The following TOP2B variants were observed in gnomAD, a reference collection of about 807,000 sequenced individuals.
The protein encoded by TOP2B is DNA topoisomerase II beta, also known as DNA topoisomerase 2-beta.
In TOP2B, 51 loss-of-function variants were observed where a neutral mutation model predicts 193.5. That is an observed-to-expected ratio of 0.26 (90% CI 0.21 to 0.33). The LOEUF (loss-of-function observed/expected upper bound fraction) is 0.33. Ranked by LOEUF, TOP2B falls within the 10% of genes least tolerant of loss-of-function variation. The pLI, the probability that TOP2B is intolerant of heterozygous loss-of-function variation, is 1.00. For missense variants in TOP2B, 1,378 were observed against 1,909.3 expected (o/e 0.72, Z 5.19); for synonymous variants, 634 against 635.7 (o/e 1.00, Z 0.04).
At position 25,632,473 on chromosome 3, in the gene TOP2B, G is replaced by A; in HGVS notation, c.1239C>T (p.Cys413=). ...CTTTAAAAAATTTTTCTGACAGCTG[G>A]CATTTAGACCCAAAACTTTTGGGCT... ...TLQPKSFGSK[C]QLSEKFFKAA... The change falls in exon 10 of 36, where the codon TGC becomes TGT. Residue 413 remains cysteine (C), a synonymous_variant. Transcript: ENST00000264331. The A allele has an allele frequency of 6.3e-7, 1 of 1,575,228 alleles. No individual in the cohort carries two copies. The highest frequency in any genetic ancestry group is 1.2e-5 in the South Asian group (1 of 85,194).
intron 4 of TOP2B, 34 bp downstream of exon 4, chr3:25,642,288 T>A: frequency 7.5e-7 from 1 of 1,340,946 alleles, no homozygotes; most frequent in Non-Finnish European, 1.0e-6. Flanking sequence ...TGAATAAAAC[T>A]TAGCATAAAA....
intron 1 of TOP2B, among the ~76,000 whole-genome samples, chr3:25,658,712 A>T (rs1172666038): frequency 6.6e-6 from 1 of 152,116 alleles, no homozygotes; most frequent in African/African-American, 2.4e-5. Context: ...AATGCCTAAT[A>T]AAAAAACAGA....
intron 1 of TOP2B, among the ~76,000 whole-genome samples, chr3:25,647,100 G>T (rs1384301000): frequency 1.3e-5 from 2 of 152,252 alleles, no homozygotes; most frequent in South Asian, 2.1e-4. Context: ...GCAAAAGTTA[G>T]ACGATGAACT....
intron 5 of TOP2B, among the ~76,000 whole-genome samples, chr3:25,637,864 G>A (rs1320127974): frequency 1.3e-5 from 2 of 151,874 alleles, no homozygotes; most frequent in Non-Finnish European, 2.9e-5. Flanking sequence ...AAGACACAGT[G>A]CTATGTAATA....
intron 6 of TOP2B, among the ~76,000 whole-genome samples, chr3:25,636,586 C>T (rs1352661578): frequency 6.6e-6 from 1 of 151,994 alleles, no homozygotes; most frequent in Admixed American, 6.6e-5. Context: ...AGAACCAATC[C>T]TCCTGAGGCA....
intron 27 of TOP2B, among the ~76,000 whole-genome samples, chr3:25,613,408 G>A (rs1702428847): frequency 6.6e-6 from 1 of 152,068 alleles, no homozygotes; most frequent in South Asian, 2.1e-4. Context: ...GATTTCAACT[G>A]CACTTCCACT....
At chr3:25,623,775 A>C (rs1162153421) in intron 20 of TOP2B, 29 bp from the exon 21 acceptor site, 13 of 1,462,864 alleles carry the variant, frequency 8.9e-6, no homozygotes, top group African/African-American at 1.4e-5. Flanking sequence ...AGCAAATGAA[A>C]AAATGTCATG....
In TOP2B at chr3:25,615,490, A is replaced by G; in HGVS notation, c.3448T>C (p.Ser1150Pro). The change falls in exon 26 of 36, where the codon TCT (serine) becomes CCT (proline). Residue 1150 changes from serine (S) to proline (P), a missense_variant. Physicochemically the swap from Ser to Pro is moderately conservative, Grantham distance 74 (BLOSUM62 -1). Transcript: ENST00000264331. ...GPDFNYILNM[S>P]LWSLTKEKVE... ...TTTTCTTTAGTAAGAGACCACAGAGACATATTTAAAATATAATTAAAATCT... is the reference window on the plus strand; with the variant it reads ...TTTTCTTTAGTAAGAGACCACAGAGGCATATTTAAAATATAATTAAAATCT... 4 of 1,577,972 alleles carry G rather than the reference A, an allele frequency of 2.5e-6. No homozygotes were observed. The highest frequency in any genetic ancestry group is 3.4e-6 in the Non-Finnish European group (4 of 1,161,670).
At chr3:25,610,256 G>A (rs1662952795) in intron 28 of TOP2B, among the ~76,000 whole-genome samples, 1 of 151,858 alleles carries the variant, frequency 6.6e-6, no homozygotes, top group South Asian at 2.1e-4. Context: ...GGCACTGTAA[G>A]GTAGACCCCA....
chr3:25,653,860 T>C (rs1166054650), intron 1 of TOP2B, among the ~76,000 whole-genome samples: 1 of 152,166 alleles, frequency 6.6e-6, no homozygotes, highest in Non-Finnish European at 1.5e-5. Context: ...AAAAAACACA[T>C]TATCATCTCA....
At chr3:25,635,875 ACCC>A in intron 7 of TOP2B, 58 bp downstream of exon 7, 1 of 1,412,650 alleles carries the variant, frequency 7.1e-7, no homozygotes, top group East Asian at 2.3e-5. Context: ...AAAAAGGAAG[ACCC>A]AACAATATTC....
chr3:25,652,415 CAT>C (rs937858481), intron 1 of TOP2B, among the ~76,000 whole-genome samples: 2 of 152,176 alleles, frequency 1.3e-5, no homozygotes, highest in African/African-American at 2.4e-5. Context: ...ACAAAGACCA[CAT>C]GTTACGTGAC....
intron 13 of TOP2B, 49 bp from the exon 14 acceptor site, chr3:25,629,194 T>G: frequency 7.6e-7 from 1 of 1,310,556 alleles, no homozygotes. Context: ...TTTTATAAAA[T>G]GATTACTTAT....
chr3:25,619,388 C>A (rs1397611618), intron 23 of TOP2B, among the ~76,000 whole-genome samples: 9 of 151,908 alleles, frequency 5.9e-5, no homozygotes, highest in African/African-American at 2.2e-4. Flanking sequence ...TACTGCTGAA[C>A]TTTTTTTACT....
chr3:25,623,385 C>T, intron 21 of TOP2B, 130 bp downstream of exon 21: 1 of 800,988 alleles, frequency 1.2e-6, no homozygotes, highest in South Asian at 1.9e-5. Context: ...TCAAATTATA[C>T]CCTAATTAGG....
chr3:25,612,854 T>A (rs1321331933), intron 27 of TOP2B, 145 bp from the exon 28 acceptor site: 2 of 595,282 alleles, frequency 3.4e-6, no homozygotes, highest in African/African-American at 1.9e-5. Context: ...GATTAAATAA[T>A]GGAAAAAAAA....
chr3:25,648,998 G>A (rs1703499310), intron 1 of TOP2B, among the ~76,000 whole-genome samples: 2 of 152,200 alleles, frequency 1.3e-5, no homozygotes, highest in African/African-American at 2.4e-5. Context: ...AAAACTCGGT[G>A]TAACAATGCA....
chr3:25,608,028 TC>T (rs1206745286), intron 30 of TOP2B, among the ~76,000 whole-genome samples: 2 of 151,840 alleles, frequency 1.3e-5, no homozygotes, highest in East Asian at 3.9e-4. Flanking sequence ...CAAGTGATCC[TC>T]CCTCCTCAGC....
chr3:25,652,860 G>A (rs114744808), intron 1 of TOP2B, among the ~76,000 whole-genome samples: 2,022 of 151,890 alleles, frequency 0.013, 49 homozygotes, highest in African/African-American at 0.044. Context: ...GAAACCAAGA[G>A]TTTGTTTTTT....
Sources: allele counts gnomAD v4.1 joint callset (sites outside exome capture counted in the v4.1 genomes callset), GRCh38; gene constraint gnomAD v4.1.1; transcripts MANE v1.5; gene names NCBI Gene and HGNC (gene_info 2026-07-23, HGNC 2026-07-21).